The following PRKN variants were observed in gnomAD, a reference collection of about 807,000 sequenced individuals.
PRKN encodes E3 ubiquitin-protein ligase parkin.
In PRKN, 56 loss-of-function variants were observed where a neutral mutation model predicts 59.5. That is an observed-to-expected ratio of 0.94 (90% CI 0.76 to 1.18). PRKN has a LOEUF of 1.18. PRKN is among the 50% of genes most tolerant of loss of function. The pLI, the probability that PRKN is intolerant of heterozygous loss-of-function variation, is 0.00. For synonymous variants in PRKN, 250 were observed against 222.1 expected, an observed-to-expected ratio of 1.13 and a Z score of -1.12; for missense variants, 657 against 596.4, an observed-to-expected ratio of 1.10 and a Z score of -1.06.
At chr6:161,723,942 T>C (rs890008654) in intron 7 of PRKN, among the ~76,000 whole-genome samples, 6 of 152,230 alleles carry the variant, frequency 3.9e-5, no homozygotes, top group African/African-American at 1.4e-4. Context: ...TCCACCACCC[T>C]CTCCACTGCG....
chr6:161,510,212 T>A (rs545824254), intron 9 of PRKN, among the ~76,000 whole-genome samples: 1 of 152,360 alleles, frequency 6.6e-6, no homozygotes, highest in Non-Finnish European at 1.5e-5. Context: ...AAATTCCAGA[T>A]GCAGTGGCTA....
chr6:162,551,452 A>G lies in PRKN; in HGVS notation c.8-107979T>C, dbSNP rs571926928. On this transcript the variant is annotated intron_variant, in intron 1 of 11. Transcript: ENST00000366898. Reference sequence around the variant, plus strand: ...TTATTCAGAGATTTCTTTTGTTCTTAGAGAATTGTTGTCAGTCTTCCTGAT... The same window carrying G: ...TTATTCAGAGATTTCTTTTGTTCTTGGAGAATTGTTGTCAGTCTTCCTGAT... Among the ~76,000 whole-genome samples the G allele has an allele frequency of 7.2e-5, 11 of 152,358 alleles. No individual in the cohort carries two copies. In the South Asian group the frequency reaches 1.0e-3, roughly 14 times the overall value.
chr6:161,827,011 G>C (rs565814264), intron 6 of PRKN, among the ~76,000 whole-genome samples: 2 of 152,284 alleles, frequency 1.3e-5, no homozygotes, highest in East Asian at 1.9e-4. Flanking sequence ...CAATGGGGAG[G>C]CTTAATTGTA....
At chr6:162,309,530 G>A (rs960704744) in intron 2 of PRKN, among the ~76,000 whole-genome samples, 2 of 152,124 alleles carry the variant, frequency 1.3e-5, no homozygotes, top group South Asian at 4.1e-4. Flanking sequence ...TCTTGGATGT[G>A]GTGAAGGGAT....
At chr6:162,045,099 T>C (rs1386698592) in intron 5 of PRKN, among the ~76,000 whole-genome samples, 1 of 152,218 alleles carries the variant, frequency 6.6e-6, no homozygotes, top group African/African-American at 2.4e-5. Context: ...GGTAAGCTTT[T>C]TACTTGCTCT....
intron 5 of PRKN, among the ~76,000 whole-genome samples, chr6:162,040,348 T>A (rs1784017973): frequency 6.6e-6 from 1 of 152,160 alleles, no homozygotes; most frequent in South Asian, 2.1e-4. Flanking sequence ...CTGTTTTCTG[T>A]TCTTAGAAAC....
chr6:162,415,328 G>A (rs1265877246), intron 2 of PRKN, among the ~76,000 whole-genome samples: 1 of 152,166 alleles, frequency 6.6e-6, no homozygotes, highest in Admixed American at 6.5e-5. Flanking sequence ...CCGAAATGCA[G>A]CAATTGTGTG....
intron 9 of PRKN, among the ~76,000 whole-genome samples, chr6:161,469,925 A>G (rs1466071596): frequency 6.6e-6 from 1 of 152,262 alleles, no homozygotes; most frequent in Non-Finnish European, 1.5e-5. Context: ...ATAGCATAGC[A>G]TTAATAATAG....
Position 161,580,642 on chromosome 6 carries a change from A to C in PRKN, c.872-11226T>G, listed in dbSNP as rs57428292. Among the ~76,000 whole-genome samples the C allele has an allele frequency of 1.6e-3, 240 of 145,746 alleles. 2 individuals carry two copies. Among genetic ancestry groups the C allele is most frequent in the African/African-American group, 6.6e-3 (234 of 35,526 alleles). On this transcript the variant is annotated intron_variant, in intron 7 of 11. Transcript: ENST00000366898. ...CAGGCGCCCTCCACCATGCCAGGCT[A>C]ATTTTTTTGTATTTTTAGTAAAGAT...
At chr6:162,551,224 T>A (rs1216993380) in intron 1 of PRKN, among the ~76,000 whole-genome samples, 1 of 151,894 alleles carries the variant, frequency 6.6e-6, no homozygotes, top group South Asian at 2.1e-4. Flanking sequence ...GGCATACAAA[T>A]CCCAAAACTA....
Position 161,592,873 on chromosome 6 carries a change from G to T in PRKN, c.872-23457C>A, listed in dbSNP as rs1781774598. On this transcript the variant is annotated intron_variant, in intron 7 of 11. Coordinates refer to ENST00000366898, the MANE Select transcript of PRKN (RefSeq NM_004562.3). This position sits in a 1 kb window ranked among gnomAD's most constrained non-coding sequence, Gnocchi z 4.8. The stretch of plus-strand genomic sequence containing the variant: ...GCAGGACCTGAAGGAAATGACTCCT[G>T]GCCAGGGGCCAGATCGTGATGGTCT... Among the ~76,000 whole-genome samples the T allele has an allele frequency of 6.6e-6, 1 of 152,184 alleles. No individual in the cohort carries two copies. The highest frequency in any genetic ancestry group is 6.5e-5 in the Admixed American group (1 of 15,286).
chr6:162,520,122 G>A (rs1381753729), intron 1 of PRKN, among the ~76,000 whole-genome samples: 1 of 152,008 alleles, frequency 6.6e-6, no homozygotes, highest in Non-Finnish European at 1.5e-5. Context: ...ATGGCTTAGT[G>A]TGGAAGAACA....
At chr6:161,769,165 C>T (rs1789556466) in intron 7 of PRKN, among the ~76,000 whole-genome samples, 1 of 152,122 alleles carries the variant, frequency 6.6e-6, no homozygotes, top group Admixed American at 6.6e-5. Flanking sequence ...AAGATTTTTA[C>T]TTTTCAACTA....
At chr6:162,122,264 A>C (rs932350847) in intron 4 of PRKN, among the ~76,000 whole-genome samples, 1 of 152,118 alleles carries the variant, frequency 6.6e-6, no homozygotes, top group Non-Finnish European at 1.5e-5. Context: ...GCCAAGGCTG[A>C]TCTGCTACCA....
At chr6:162,078,695 T>C (rs563848870) in intron 4 of PRKN, among the ~76,000 whole-genome samples, 1 of 152,180 alleles carries the variant, frequency 6.6e-6, no homozygotes, top group African/African-American at 2.4e-5. Context: ...CTGTATTGGG[T>C]ATTTATCAAG....
At chr6:162,670,359 T>C (rs1252203405) in intron 1 of PRKN, among the ~76,000 whole-genome samples, 2 of 152,238 alleles carry the variant, frequency 1.3e-5, no homozygotes, top group Non-Finnish European at 2.9e-5. Flanking sequence ...CCAGCTCCTC[T>C]GAAGGCATTC....
rs544418741 is a variant in PRKN at position 162,178,422 on chromosome 6, G to C, written c.534+22709C>G. On this transcript the variant is annotated intron_variant, in intron 4 of 11. Coordinates refer to ENST00000366898, the MANE Select transcript of PRKN (RefSeq NM_004562.3). ...TCAGCAATCTTGGCCCTGATGCTGG[G>C]GGAATTTGAACCTGACAGGCCCAGA... is the stretch of plus-strand genomic sequence containing the variant. Among the ~76,000 whole-genome samples, 4 of 152,250 alleles carry C rather than the reference G, an allele frequency of 2.6e-5. No homozygotes were observed. The South Asian group carries it at 8.3e-4, about 32-fold the overall frequency.
chr6:161,349,036 A>T lies in PRKN; in HGVS notation c.*1063T>A. ...CCTGGGACTTGCAGATTGGACAGAG[A>T]GGGTGTGCCAAAGGGGTATAAACCC... is the stretch of plus-strand genomic sequence containing the variant. On this transcript the variant is annotated 3_prime_UTR_variant, in exon 12 of 12. Coordinates refer to ENST00000366898, the MANE Select transcript of PRKN (RefSeq NM_004562.3). The surrounding 1 kb of genome is among the most constrained non-coding windows in gnomAD (Gnocchi z 5.5). 4.7e-6 allele frequency: 1 copy of T among 213,102 alleles called. No homozygotes were observed. The highest frequency in any genetic ancestry group is 9.5e-6 in the Non-Finnish European group (1 of 105,354). 13.2% of individuals were successfully genotyped at this position (213,102 alleles called of 1,614,324 possible).
chr6:162,518,583 T>C (rs1299820999), intron 1 of PRKN, among the ~76,000 whole-genome samples: 2 of 152,148 alleles, frequency 1.3e-5, no homozygotes, highest in Non-Finnish European at 2.9e-5. Flanking sequence ...GCCAGGCTGG[T>C]CTCGAACTCC....
Sources: allele counts gnomAD v4.1 joint callset (sites outside exome capture counted in the v4.1 genomes callset), GRCh38; gene constraint gnomAD v4.1.1; non-coding constraint Gnocchi (gnomAD v3.1); transcripts MANE v1.5; gene names NCBI Gene and HGNC (gene_info 2026-07-23, HGNC 2026-07-21).